Variants in RAB36 observed in about 807,000 individuals in gnomAD.
RAB36 encodes the protein RAB36, member RAS oncogene family, also known as ras-related protein Rab-36.
RAB36 carries 33 observed loss-of-function variants against 39.3 expected under a neutral mutation model. The ratio of observed to expected loss-of-function variants is 0.84; its 90% CI spans 0.64 to 1.12. The LOEUF is 1.12. Among genes scored for constraint, RAB36 ranks in the 50% most tolerant of loss-of-function variants. RAB36 has a pLI of 0.00. For missense variants in RAB36, 308 were observed against 355.3 expected, an observed-to-expected ratio of 0.87 and a Z score of 1.07; for synonymous variants, 133 against 140.2, an observed-to-expected ratio of 0.95 and a Z score of 0.36.
chr22:23,165,998 T>C (rs997644134), downstream of RAB36, among the ~76,000 whole-genome samples: 2 of 151,688 alleles, frequency 1.3e-5, no homozygotes. Context: ...TACAAAAAAT[T>C]AGCCAGGCAT....
chr22:23,166,457 G>A (rs2072053991), downstream of RAB36, among the ~76,000 whole-genome samples: 1 of 151,658 alleles, frequency 6.6e-6, no homozygotes. Context: ...CAAAGCAAGG[G>A]CTTTCTCCCT....
downstream of RAB36, among the ~76,000 whole-genome samples, chr22:23,168,154 C>G (rs1051443153): frequency 1.2e-4 from 19 of 152,196 alleles, no homozygotes; most frequent in African/African-American, 4.6e-4. Flanking sequence ...ACTCCTCCCG[C>G]AGCCCACACG....
At chr22:23,151,040 T>C (rs1227631969) in intron 3 of RAB36, among the ~76,000 whole-genome samples, 2 of 152,242 alleles carry the variant, frequency 1.3e-5, no homozygotes, top group African/African-American at 4.8e-5. Context: ...GGGCCTGCTT[T>C]TGCCCCTCTT....
rs2071978372 is a variant in RAB36, at chr22:23,164,299, C to G, written c.*2735C>G. The G allele has an allele frequency of 6.6e-6, 1 of 152,264 alleles. No homozygotes were observed. The highest frequency in any genetic ancestry group is 3.2e-3 in the Middle Eastern group (1 of 316). 9.4% of individuals were successfully genotyped at this position (152,264 alleles called of 1,614,324 possible). A position where few individuals can be genotyped will look rare whatever the true frequency, so the allele number is the denominator to read the frequency against. On this transcript the variant is annotated 3_prime_UTR_variant, in exon 11 of 11. Coordinates refer to ENST00000263116, the MANE Select transcript of RAB36 (RefSeq NM_004914.5). Reference sequence around the variant, plus strand: ...AGCTAGAGCTGTACTGCCTCACGTACACCCCCACCTCTGTAAATGGTCCTT... The same window carrying G: ...AGCTAGAGCTGTACTGCCTCACGTAGACCCCCACCTCTGTAAATGGTCCTT...
intron 6 of RAB36, 108 bp downstream of exon 6, chr22:23,156,140 T>C: frequency 2.1e-6 from 2 of 955,892 alleles, no homozygotes; most frequent in Non-Finnish European, 1.6e-6. Flanking sequence ...TTTTTTGTCC[T>C]CCAAGACCCA....
intron 2 of RAB36, among the ~76,000 whole-genome samples, chr22:23,147,327 C>T (rs1282516250): frequency 6.6e-6 from 1 of 151,608 alleles, no homozygotes; most frequent in Non-Finnish European, 1.5e-5. Flanking sequence ...TCCAGCCATT[C>T]TGTTTCTTTT....
downstream of RAB36, among the ~76,000 whole-genome samples, chr22:23,168,224 C>A (rs1388738765): frequency 1.3e-5 from 2 of 152,178 alleles, no homozygotes; most frequent in Non-Finnish European, 2.9e-5. Flanking sequence ...GGGCATAAGC[C>A]CTGGGTCCAC....
In RAB36 at chr22:23,161,633, G is replaced by A. The variant is rs2071813070; in HGVS notation, c.*69G>A. On this transcript the variant is annotated 3_prime_UTR_variant, in exon 11 of 11. Transcript: ENST00000263116. ...ACAGGAATTTCCGTGACTGTGGTGT[G>A]GAGACTGGAGCCCAAGCTCTGCAGC... The A allele has an allele frequency of 5.3e-6, 7 of 1,318,066 alleles. No homozygotes were observed. The highest frequency in any genetic ancestry group is 2.0e-5 in the Admixed American group (1 of 51,004). The allele number at this position is 1,318,066 out of a possible 1,614,324, so 81.6% of individuals were successfully genotyped here.
chr22:23,161,424 C>T, intron 10 of RAB36, 76 bp from the exon 11 acceptor site: 3 of 1,300,280 alleles, frequency 2.3e-6, no homozygotes, highest in Non-Finnish European at 3.3e-6. Context: ...CTCTGACTGT[C>T]AGGGCCGGCA....
chr22:23,162,600 T>C lies in RAB36; in HGVS notation c.*1036T>C, dbSNP rs1432298306. 2.2e-6 allele frequency: 1 copy of C among 454,780 alleles called. No individual in the cohort carries two copies. The highest frequency in any genetic ancestry group is 2.0e-5 in the African/African-American group (1 of 50,000). 28.2% of individuals were successfully genotyped at this position (454,780 alleles called of 1,614,324 possible). ...GAGCAGACAGAAATACCCCACACATTCCCCAGCCTCTCTGCCCAGTATGCT... is the reference window on the plus strand; with the variant it reads ...GAGCAGACAGAAATACCCCACACATCCCCCAGCCTCTCTGCCCAGTATGCT... On this transcript the variant is annotated 3_prime_UTR_variant, in exon 11 of 11. Transcript: ENST00000263116.
At chr22:23,161,087 A>C in intron 10 of RAB36, 89 bp downstream of exon 10, 2 of 1,461,290 alleles carry the variant, frequency 1.4e-6, no homozygotes, top group African/African-American at 1.4e-5. Context: ...AGGCCTTGCC[A>C]TTTCCTGAAC....
downstream of RAB36, among the ~76,000 whole-genome samples, chr22:23,165,947 C>A (rs949192912): frequency 6.6e-6 from 1 of 152,066 alleles, no homozygotes; most frequent in Non-Finnish European, 1.5e-5. Context: ...GAGATAGAGA[C>A]CATCCTGGCT....
In RAB36 at chr22:23,165,496, A is replaced by G. The variant is rs2072027540; in HGVS notation, c.*3932A>G. On this transcript the variant is annotated 3_prime_UTR_variant, in exon 11 of 11. Transcript: ENST00000263116. ...AGCCAGCCACAGAAAGTTTCAGGGCAGAACTGAACAGGTCTCGGGAAGGAC... is the reference window on the plus strand; with the variant it reads ...AGCCAGCCACAGAAAGTTTCAGGGCGGAACTGAACAGGTCTCGGGAAGGAC... Among the ~76,000 whole-genome samples the G allele has an allele frequency of 6.6e-6, 1 of 152,352 alleles. No individual in the cohort carries two copies. Among genetic ancestry groups the G allele is most frequent in the Non-Finnish European group, 1.5e-5 (1 of 68,040 alleles).
At chr22:23,166,604 C>T (rs535341786), downstream of RAB36, among the ~76,000 whole-genome samples, 23 of 152,130 alleles carry the variant, frequency 1.5e-4, no homozygotes, top group Non-Finnish European at 2.8e-4. Flanking sequence ...ATTCCCTTAC[C>T]GTCCTGGTGG....
intron 9 of RAB36, 58 bp from the exon 10 acceptor site, chr22:23,160,821 T>C (rs9612253): frequency 0.5 from 791,625 of 1,574,520 alleles, 200,652 homozygotes; most frequent in East Asian, 0.63. Context: ...CACACCCAGA[T>C]GCATTAAGGG....
At chr22:23,149,666 T>A (rs930999558) in intron 2 of RAB36, among the ~76,000 whole-genome samples, 8 of 152,180 alleles carry the variant, frequency 5.3e-5, no homozygotes, top group Non-Finnish European at 1.0e-4. Context: ...GCCTCCTCAG[T>A]ATCTAGGACC....
chr22:23,149,913 A>C (rs1373669947), intron 2 of RAB36, 150 bp from the exon 3 acceptor site: 15 of 669,006 alleles, frequency 2.2e-5, no homozygotes, highest in Non-Finnish European at 3.5e-5. Flanking sequence ...GAAGATACAC[A>C]TGACAAATGG....
In RAB36 at chr22:23,161,760, A is replaced by G; in HGVS notation, c.*196A>G. On this transcript the variant is annotated 3_prime_UTR_variant, in exon 11 of 11. Coordinates refer to ENST00000263116, the MANE Select transcript of RAB36 (RefSeq NM_004914.5). ...TTGTCCGTTGCAGGTTGGGCACTAG[A>G]AAAGGCCCCCACTGGCTGCCTGGGA... 1.8e-6 allele frequency: 1 copy of G among 570,996 alleles called. No homozygotes were observed. Among genetic ancestry groups the G allele is most frequent in the Non-Finnish European group, 3.1e-6 (1 of 321,632 alleles). The allele number at this position is 570,996 out of a possible 1,614,324, so 35.4% of individuals were successfully genotyped here.
chr22:23,166,739 C>T (rs1012041549), downstream of RAB36, among the ~76,000 whole-genome samples: 4 of 152,170 alleles, frequency 2.6e-5, no homozygotes, highest in Non-Finnish European at 2.9e-5. Flanking sequence ...GTGCTCTACA[C>T]CTTGGATCCC....
Sources: gnomAD v4.1 joint callset for allele counts (sites outside exome capture counted in the v4.1 genomes callset) on GRCh38, gnomAD v4.1.1 for gene constraint, MANE v1.5 for transcripts, NCBI Gene and HGNC (gene_info 2026-07-23, HGNC 2026-07-21) for gene names.